Variants in SPECC1 observed in about 807,000 individuals in gnomAD.
SPECC1 encodes sperm antigen with calponin homology and coiled-coil domains 1.
Under a neutral mutation model 104.1 loss-of-function variants are expected in SPECC1, and 62 were observed. The ratio of observed to expected loss-of-function variants is 0.60; its 90% CI spans 0.49 to 0.74. The LOEUF (loss-of-function observed/expected upper bound fraction) is 0.74, where lower values mean the gene tolerates loss of function less well. SPECC1 is among the 30% of genes least tolerant of loss of function. The pLI, the probability that SPECC1 is intolerant of heterozygous loss-of-function variation, is 0.00. For synonymous variants in SPECC1, 513 were observed against 501.6 expected (o/e 1.02, Z -0.30); for missense variants, 1,306 against 1,310.5 (o/e 1.00, Z 0.05).
intron 13 of SPECC1, among the ~76,000 whole-genome samples, chr17:20,298,946 A>AGTGTGTGTGTGTGT: frequency 2.2e-5 from 1 of 45,786 alleles, no homozygotes; most frequent in South Asian, 1.2e-3. Flanking sequence ...AGAGAGAGAG[A>AGTGTGTGTGTGTGT]GAGTGTGTGT....
chr17:20,174,641 G>T, intron 3 of SPECC1, among the ~76,000 whole-genome samples: 1 of 152,146 alleles, frequency 6.6e-6, no homozygotes, highest in East Asian at 1.9e-4. Context: ...AGTCTGCAGA[G>T]AATCTGTTTC....
intron 1 of SPECC1, among the ~76,000 whole-genome samples, chr17:20,038,689 C>T (rs1313757911): frequency 5.9e-5 from 9 of 152,080 alleles, no homozygotes; most frequent in Non-Finnish European, 1.2e-4. Flanking sequence ...CGTGAGCCAC[C>T]GCACCCAGCC....
chr17:20,257,398 G>T (rs531170529), intron 10 of SPECC1, 53 bp from the exon 11 acceptor site: 2 of 1,517,532 alleles, frequency 1.3e-6, no homozygotes, highest in Admixed American at 4.7e-5. Flanking sequence ...AAGTATGATG[G>T]CAGTCAAGAG....
At chr17:20,087,490 C>T (rs1212169126) in intron 1 of SPECC1, among the ~76,000 whole-genome samples, 1 of 152,020 alleles carries the variant, frequency 6.6e-6, no homozygotes, top group East Asian at 1.9e-4. Context: ...TTGTCATTGC[C>T]TTCCAGTTCT....
chr17:20,177,384 A>G (rs1374685038), intron 3 of SPECC1, among the ~76,000 whole-genome samples: 2 of 152,202 alleles, frequency 1.3e-5, no homozygotes, highest in African/African-American at 4.8e-5. Flanking sequence ...TTGTGTAAGT[A>G]GTTTTCTTCT....
In SPECC1 at chr17:20,096,650, G is replaced by A; in HGVS notation, c.-2G>A. 1 of 1,611,376 alleles carries A rather than the reference G, an allele frequency of 6.2e-7. No individual in the cohort carries two copies. The highest frequency in any genetic ancestry group is 1.1e-5 in the South Asian group (1 of 90,952). Reference sequence around the variant, plus strand: ...TTGCAGGACAGACCCACGAAGTCAAGCATGCGGAGTGCAGCCAAGCCCTGG... The same window carrying A: ...TTGCAGGACAGACCCACGAAGTCAAACATGCGGAGTGCAGCCAAGCCCTGG... On this transcript the variant is annotated 5_prime_UTR_variant, in exon 2 of 15. Transcript: ENST00000395527.
chr17:20,125,672 G>T (rs2049266514), intron 3 of SPECC1, among the ~76,000 whole-genome samples: 1 of 152,150 alleles, frequency 6.6e-6, no homozygotes, highest in South Asian at 2.1e-4. Context: ...TATCCTTCAG[G>T]TTCATCCACA....
At chr17:20,142,875 C>T (rs969840956) in intron 3 of SPECC1, among the ~76,000 whole-genome samples, 1 of 150,870 alleles carries the variant, frequency 6.6e-6, no homozygotes, top group Non-Finnish European at 1.5e-5. Context: ...TGGTGCGTGC[C>T]TGTAGTCACA....
At chr17:20,307,440 A>G (rs866332675) in intron 14 of SPECC1, among the ~76,000 whole-genome samples, 3 of 152,296 alleles carry the variant, frequency 2.0e-5, no homozygotes, top group Middle Eastern at 3.4e-3. Context: ...CAGGGCAGGA[A>G]GAAGGGGAAG....
At chr17:20,289,936 G>A (rs1470001893) in intron 12 of SPECC1, among the ~76,000 whole-genome samples, 1 of 152,198 alleles carries the variant, frequency 6.6e-6, no homozygotes, top group South Asian at 2.1e-4. Context: ...TTAGAGAGAA[G>A]AAGAGTGTTT....
Position 20,156,901 on chromosome 17 carries a change from A to G in SPECC1, c.283+46339A>G, listed in dbSNP as rs946101460. Reference sequence around the variant, plus strand: ...CGAAACATTTCTGGACTGTCACGTGAAGCAAAAGGGATTTAGTTTTGCCTG... The same window carrying G: ...CGAAACATTTCTGGACTGTCACGTGGAGCAAAAGGGATTTAGTTTTGCCTG... On this transcript the variant is annotated intron_variant, in intron 3 of 14. Transcript: ENST00000395527. Among the ~76,000 whole-genome samples, 17 of 152,190 alleles carry G rather than the reference A, an allele frequency of 1.1e-4. 1 individual carries two copies. Among genetic ancestry groups the G allele is most frequent in the African/African-American group, 4.1e-4 (17 of 41,512 alleles).
chr17:20,093,948 C>T (rs1417166105), intron 1 of SPECC1, among the ~76,000 whole-genome samples: 1 of 151,804 alleles, frequency 6.6e-6, no homozygotes, highest in Non-Finnish European at 1.5e-5. Context: ...CCAGGCTGGT[C>T]TCGAACTCCT....
chr17:20,253,419 C>T, intron 9 of SPECC1, 86 bp from the exon 10 acceptor site: 3 of 1,314,118 alleles, frequency 2.3e-6, no homozygotes, highest in South Asian at 2.5e-5. Flanking sequence ...CTGTTGCACA[C>T]ACACGCATGC....
rs769969300 is a variant in SPECC1, at chr17:20,246,028, C to T, written c.2454C>T (p.Thr818=). 6.2e-6 allele frequency: 10 copies of T among 1,614,060 alleles called. No individual in the cohort carries two copies. Among genetic ancestry groups the T allele is most frequent in the Middle Eastern group, 1.6e-4 (1 of 6,084 alleles). The change falls in exon 8 of 15, where the codon ACC becomes ACT. Residue 818 remains threonine, a synonymous_variant. Transcript: ENST00000395527. The part of the protein sequence containing the change: ...RTSPTPPESA[T]TVKSLIKSFD... ...CTCCAACACCCCCAGAGTCGGCAAC[C>T]ACCGTTAAGTCACTTATCAAGTCAT...
chr17:20,075,539 G>T (rs553196085), intron 1 of SPECC1, among the ~76,000 whole-genome samples: 19 of 152,284 alleles, frequency 1.2e-4, no homozygotes, highest in Non-Finnish European at 2.2e-4. Context: ...GCAGTGGCTT[G>T]CACCTGAAAT....
intron 1 of SPECC1, among the ~76,000 whole-genome samples, chr17:20,037,622 C>G (rs1402116724): frequency 6.6e-6 from 1 of 152,008 alleles, no homozygotes. Context: ...ATGTTCCCTT[C>G]TCTTCAGTTT....
intron 12 of SPECC1, among the ~76,000 whole-genome samples, chr17:20,285,819 C>CTTTT (rs112146667): frequency 7.1e-6 from 1 of 140,224 alleles, no homozygotes; most frequent in African/African-American, 2.7e-5. Flanking sequence ...TCCTTCCTTC[C>CTTTT]TTTTTTTTTT....
intron 1 of SPECC1, among the ~76,000 whole-genome samples, chr17:20,066,570 G>A (rs1037511952): frequency 2.6e-5 from 4 of 152,158 alleles, no homozygotes; most frequent in African/African-American, 9.7e-5. Flanking sequence ...ATCTTACTCT[G>A]TTTTTACAGA....
chr17:20,067,961 A>G (rs2046417200), intron 1 of SPECC1, among the ~76,000 whole-genome samples: 1 of 152,022 alleles, frequency 6.6e-6, no homozygotes, highest in African/African-American at 2.4e-5. Flanking sequence ...GAATTATACA[A>G]TAGATGGTCT....
Sources: gnomAD v4.1 joint callset for allele counts (sites outside exome capture counted in the v4.1 genomes callset) on GRCh38, gnomAD v4.1.1 for gene constraint, MANE v1.5 for transcripts, NCBI Gene and HGNC (gene_info 2026-07-23, HGNC 2026-07-21) for gene names.